The following PPM1B variants were observed in gnomAD, a reference collection of about 807,000 sequenced individuals.
PPM1B encodes the protein protein phosphatase, Mg2+/Mn2+ dependent 1B.
Under a neutral mutation model 43.0 loss-of-function variants are expected in PPM1B, and 22 were observed. The observed-to-expected ratio is 0.51, with a 90% CI of 0.37 to 0.73. PPM1B has a LOEUF of 0.73. PPM1B is among the 30% of genes least tolerant of loss of function. The probability of loss-of-function intolerance (pLI) is 0.00; values close to 1 mark genes in which losing one functional copy is unlikely to be tolerated. For synonymous variants in PPM1B, 217 were observed against 197.9 expected (o/e 1.10, Z -0.81); for missense variants, 632 against 584.2 (o/e 1.08, Z -0.84).
intron 3 of PPM1B, among the ~76,000 whole-genome samples, chr2:44,212,216 C>T (rs1193538662): frequency 1.3e-5 from 2 of 152,128 alleles, no homozygotes; most frequent in Non-Finnish European, 2.9e-5. Context: ...GTCTTTTTGT[C>T]CTGCCTGCAG....
chr2:44,202,833 A>C (rs1669003369), intron 2 of PPM1B, among the ~76,000 whole-genome samples: 1 of 152,194 alleles, frequency 6.6e-6, no homozygotes, highest in Non-Finnish European at 1.5e-5. Flanking sequence ...AATCCTTTGA[A>C]TATCTTTAAA....
At chr2:44,241,410 A>G (rs534840106) in intron 5 of PPM1B, among the ~76,000 whole-genome samples, 1 of 144,758 alleles carries the variant, frequency 6.9e-6, no homozygotes, top group African/African-American at 2.5e-5. Context: ...TGTCGGGAAT[A>G]CATGTGTTAA....
At chr2:44,239,585 A>G (rs1020038333), downstream of PPM1B, among the ~76,000 whole-genome samples, 13 of 152,106 alleles carry the variant, frequency 8.5e-5, no homozygotes, top group Admixed American at 2.0e-4. Flanking sequence ...TGGATAATGT[A>G]GTAACAAGGC....
intron 5 of PPM1B, 105 bp from the exon 6 acceptor site, chr2:44,230,308 A>G: frequency 6.6e-7 from 1 of 1,521,666 alleles, no homozygotes; most frequent in African/African-American, 1.4e-5. Flanking sequence ...CTTAGACTAT[A>G]TTACTTTTCG....
chr2:44,221,379 T>C (rs1387368624), intron 5 of PPM1B, among the ~76,000 whole-genome samples: 2 of 151,960 alleles, frequency 1.3e-5, no homozygotes, highest in Non-Finnish European at 2.9e-5. Flanking sequence ...GGAGAGAGAA[T>C]GAAGAAAATA....
intron 5 of PPM1B, among the ~76,000 whole-genome samples, chr2:44,229,343 C>A (rs1337555930): frequency 6.6e-6 from 1 of 151,658 alleles, no homozygotes; most frequent in Non-Finnish European, 1.5e-5. Context: ...TTTAAATTTC[C>A]CTAGTTGTCA....
chr2:44,234,466 C>A, downstream of PPM1B: 1 of 801,926 alleles, frequency 1.2e-6, no homozygotes, highest in Non-Finnish European at 1.5e-6. Context: ...TTGCAGTGAG[C>A]TAAGATCGCG....
Position 44,176,550 on chromosome 2 carries a change from G to A in PPM1B, c.-15+7276G>A, listed in dbSNP as rs147324364. On this transcript the variant is annotated intron_variant, in intron 1 of 5. Transcript: ENST00000282412. ...TCGTGCCTTTGTTTTTTCTGCATGT[G>A]AGATGGGCGTATTGCACTTAGATGT... is the stretch of plus-strand genomic sequence containing the variant. Among the ~76,000 whole-genome samples, 668 of 152,284 alleles carry A rather than the reference G, an allele frequency of 4.4e-3. 2 individuals carry two copies. The highest frequency in any genetic ancestry group is 0.018 in the South Asian group (89 of 4,828).
At chr2:44,207,158 G>A (rs1013912720) in intron 2 of PPM1B, among the ~76,000 whole-genome samples, 2 of 152,098 alleles carry the variant, frequency 1.3e-5, no homozygotes, top group Middle Eastern at 3.2e-3. Context: ...AACCTTCACT[G>A]CCTTCAAACT....
At chr2:44,206,482 C>T (rs903352861) in intron 2 of PPM1B, among the ~76,000 whole-genome samples, 1 of 152,142 alleles carries the variant, frequency 6.6e-6, no homozygotes, top group African/African-American at 2.4e-5. Flanking sequence ...AATTATTTCC[C>T]TTAAATGTCT....
intron 1 of PPM1B, among the ~76,000 whole-genome samples, chr2:44,171,617 G>GTTAGGAGT (rs1335886231): frequency 6.6e-6 from 1 of 151,834 alleles, no homozygotes; most frequent in African/African-American, 2.4e-5. Flanking sequence ...ATCACTTGAG[G>GTTAGGAGT]TTAGGAGTTC....
intron 2 of PPM1B, among the ~76,000 whole-genome samples, chr2:44,205,329 AAGAGTGGGT>A (rs1418766278): frequency 4.6e-5 from 4 of 86,994 alleles, no homozygotes; most frequent in Non-Finnish European, 6.6e-5. Context: ...TAAAATAAAG[AAGAGTGGGT>A]GTGGGTGTGG....
downstream of PPM1B, chr2:44,232,847 A>T (rs1288263091): frequency 1.0e-6 from 1 of 970,580 alleles, no homozygotes; most frequent in Non-Finnish European, 1.2e-6. Flanking sequence ...ATATGTATTT[A>T]TTATTGATTG....
intron 1 of PPM1B, among the ~76,000 whole-genome samples, chr2:44,171,112 A>G (rs1667320221): frequency 2.0e-5 from 3 of 152,258 alleles, no homozygotes; most frequent in South Asian, 2.1e-4. Flanking sequence ...TTTCTAGTAC[A>G]TTATCCTCTG....
At chr2:44,212,851 A>G (rs1381638458) in intron 3 of PPM1B, among the ~76,000 whole-genome samples, 1 of 152,072 alleles carries the variant, frequency 6.6e-6, no homozygotes, top group African/African-American at 2.4e-5. Flanking sequence ...ACTACTAAAA[A>G]TACAAAAAGA....
At chr2:44,211,432 A>G (rs1161279604) in intron 3 of PPM1B, among the ~76,000 whole-genome samples, 2 of 152,166 alleles carry the variant, frequency 1.3e-5, no homozygotes, top group Admixed American at 6.5e-5. Context: ...ATTGGCAGGA[A>G]TACTGTGGAA....
At chr2:44,189,269 A>G (rs1668289106) in intron 1 of PPM1B, among the ~76,000 whole-genome samples, 1 of 152,142 alleles carries the variant, frequency 6.6e-6, no homozygotes, top group African/African-American at 2.4e-5. Context: ...TTGAGAAAAG[A>G]CAGAACACTT....
At chr2:44,191,319 T>C (rs1055378190) in intron 1 of PPM1B, among the ~76,000 whole-genome samples, 5 of 152,140 alleles carry the variant, frequency 3.3e-5, no homozygotes, top group African/African-American at 1.2e-4. Flanking sequence ...GTTCAAGCTA[T>C]TCTCCTGCCT....
At chr2:44,234,544 A>AT (rs1670560536), downstream of PPM1B, 2 of 968,938 alleles carry the variant, frequency 2.1e-6, no homozygotes, top group African/African-American at 3.5e-5. Context: ...AAAAAAAAAA[A>AT]CTTTTCCGGC....
Sources: allele counts gnomAD v4.1 joint callset (sites outside exome capture counted in the v4.1 genomes callset), GRCh38; gene constraint gnomAD v4.1.1; transcripts MANE v1.5; gene names NCBI Gene and HGNC (gene_info 2026-07-23, HGNC 2026-07-21).